The following ZNF157 variants were observed in gnomAD, a reference collection of about 807,000 sequenced individuals.
ZNF157 encodes zinc finger protein 157.
Under a neutral mutation model 9.4 loss-of-function variants are expected in ZNF157, and 8 were observed. The observed-to-expected ratio is 0.85, with a 90% CI of 0.50 to 1.53. The LOEUF is 1.53. ZNF157 is among the 40% of genes most tolerant of loss of function. ZNF157 has a pLI of 0.00. For missense variants in ZNF157, 316 were observed against 385.2 expected (o/e 0.82, Z 1.50); for synonymous variants, 120 against 130.8 (o/e 0.92, Z 0.56).
chrX:47,387,852 A>C (rs1288396740), intron 1 of ZNF157, among the ~76,000 whole-genome samples: 1 of 86,758 alleles, frequency 1.2e-5, no homozygotes, highest in Non-Finnish European at 2.2e-5. Flanking sequence ...GTGCCACTGC[A>C]CTCCAGCCTG....
chrX:47,386,235 T>C (rs5953038), intron 1 of ZNF157, among the ~76,000 whole-genome samples: 33,473 of 109,988 alleles, frequency 0.3, 3,731 homozygotes, highest in Middle Eastern at 0.5. Flanking sequence ...ATCCAGTTTC[T>C]TCCAATGGTA....
intron 1 of ZNF157, among the ~76,000 whole-genome samples, chrX:47,401,151 G>A (rs2055929331): frequency 8.9e-6 from 1 of 112,030 alleles, no homozygotes; most frequent in Admixed American, 9.6e-5. Context: ...TTATTAGAAT[G>A]TTTCTCTGAC....
chrX:47,381,660 G>A (rs1001397734), intron 1 of ZNF157, among the ~76,000 whole-genome samples: 2 of 111,637 alleles, frequency 1.8e-5, no homozygotes, highest in African/African-American at 6.5e-5. Context: ...TACTGAAATG[G>A]ATTGTGAGAG....
chrX:47,378,119 G>A (rs750729936), intron 1 of ZNF157, among the ~76,000 whole-genome samples: 1 of 110,881 alleles, frequency 9.0e-6, no homozygotes, highest in African/African-American at 3.3e-5. Context: ...AAAAGTTGGG[G>A]ATCGGAGTTT....
chrX:47,376,150 T>C (rs778333419), intron 1 of ZNF157, among the ~76,000 whole-genome samples: 1 of 112,384 alleles, frequency 8.9e-6, no homozygotes, highest in South Asian at 3.6e-4. Flanking sequence ...ACAGTTTGCT[T>C]ATTCCTTCAC....
chrX:47,383,371 CAAAAA>C (rs35133137), intron 1 of ZNF157, among the ~76,000 whole-genome samples: 109 of 18,810 alleles, frequency 5.8e-3, no homozygotes, highest in African/African-American at 0.01. Flanking sequence ...GACTCAGTCT[CAAAAA>C]AAAAAAAAAA....
At chrX:47,377,731 C>CTT (rs1160508436) in intron 1 of ZNF157, among the ~76,000 whole-genome samples, 1 of 86,758 alleles carries the variant, frequency 1.2e-5, no homozygotes, top group Admixed American at 1.3e-4. Context: ...CATGCCCAGC[C>CTT]TTTTTTTTTT....
At chrX:47,397,393 A>G (rs1175045025) in intron 1 of ZNF157, among the ~76,000 whole-genome samples, 1 of 103,403 alleles carries the variant, frequency 9.7e-6, no homozygotes, top group African/African-American at 3.5e-5. Flanking sequence ...CAGGCATGCA[A>G]CACCATGCCT....
At chrX:47,391,428 C>T (rs770047642) in intron 1 of ZNF157, 2 of 112,000 alleles carry the variant, frequency 1.8e-5, no homozygotes, top group African/African-American at 3.2e-5. Flanking sequence ...TTCACTGATT[C>T]GGGATCCCTA....
At position 47,371,953 on chromosome X, in the gene ZNF157, C is replaced by T. The variant is rs1056361961; in HGVS notation, c.72+1213C>T. Among the ~76,000 whole-genome samples, 3 of 111,780 alleles carry T rather than the reference C, an allele frequency of 2.7e-5. No homozygotes were observed. The Admixed American group carries it at 2.9e-4, about 11-fold the overall frequency. ...TTTTCCATCGCATGGATGTACCAAACAGTATAACCATTCACTGGTTGAAAG... is the reference window on the plus strand; with the variant it reads ...TTTTCCATCGCATGGATGTACCAAATAGTATAACCATTCACTGGTTGAAAG... On this transcript the variant is annotated intron_variant, in intron 1 of 3. Transcript: ENST00000377073.
intron 1 of ZNF157, among the ~76,000 whole-genome samples, chrX:47,380,174 G>A (rs2055857242): frequency 1.8e-5 from 2 of 110,662 alleles, no homozygotes; most frequent in Admixed American, 2.0e-4. Flanking sequence ...ATCCATACGG[G>A]TCTGCAGCAA....
At chrX:47,379,579 G>A (rs2055855065) in intron 1 of ZNF157, among the ~76,000 whole-genome samples, 1 of 107,291 alleles carries the variant, frequency 9.3e-6, no homozygotes, top group Admixed American at 1.0e-4. Flanking sequence ...CACCACAACC[G>A]ACTAATTTTT....
At chrX:47,387,928 G>A (rs1306084878) in intron 1 of ZNF157, among the ~76,000 whole-genome samples, 3 of 103,506 alleles carry the variant, frequency 2.9e-5, no homozygotes, top group Non-Finnish European at 5.9e-5. Flanking sequence ...ATGCTTCTAC[G>A]GAGAAATCAA....
intron 1 of ZNF157, among the ~76,000 whole-genome samples, chrX:47,375,761 A>C (rs1602758091): frequency 1.9e-5 from 2 of 107,231 alleles, no homozygotes; most frequent in South Asian, 8.1e-4. Flanking sequence ...TGGTGTGATC[A>C]CTGCTCACTG....
Position 47,370,728 on chromosome X carries a change from C to A in ZNF157, c.60C>A (p.Gly20=). Residue 20 remains glycine, a synonymous_variant, in exon 1 of 4, where the codon GGC becomes GGA. Transcript: ENST00000377073. ...CTGCCCTGATTCCAGGAGAACCTGG[C>A]AGATCTTTTGAGGTAAGGAGGAGGA... ...RFPALIPGEP[G]RSFEGSVSFE... 8.3e-7 allele frequency: 1 copy of A among 1,200,189 alleles called. No individual in the cohort carries two copies. Among genetic ancestry groups the A allele is most frequent in the Non-Finnish European group, 1.1e-6 (1 of 889,439 alleles).
intron 1 of ZNF157, among the ~76,000 whole-genome samples, chrX:47,401,180 G>A (rs767216530): frequency 8.5e-4 from 95 of 111,755 alleles, no homozygotes; most frequent in East Asian, 2.5e-3. Context: ...GGACATTATG[G>A]GTATTTCAGG....
At chrX:47,395,989 T>C (rs1395139600) in intron 1 of ZNF157, among the ~76,000 whole-genome samples, 1 of 111,232 alleles carries the variant, frequency 9.0e-6, no homozygotes, top group Non-Finnish European at 1.9e-5. Flanking sequence ...TGTACTATAA[T>C]GTTAAGTATT....
chrX:47,397,591 T>C (rs2055917666), intron 1 of ZNF157, among the ~76,000 whole-genome samples: 1 of 110,404 alleles, frequency 9.1e-6, no homozygotes, highest in Admixed American at 9.8e-5. Context: ...ATTTTTGTAT[T>C]TTTAGTAGAG....
At chrX:47,396,133 C>T (rs997800107) in intron 1 of ZNF157, among the ~76,000 whole-genome samples, 3 of 110,797 alleles carry the variant, frequency 2.7e-5, no homozygotes, top group Non-Finnish European at 3.8e-5. Context: ...ATAAAAATTA[C>T]AGTCCTGTAG....
Sources: gnomAD v4.1 joint callset for allele counts (sites outside exome capture counted in the v4.1 genomes callset) on GRCh38, gnomAD v4.1.1 for gene constraint, MANE v1.5 for transcripts, NCBI Gene and HGNC (gene_info 2026-07-23, HGNC 2026-07-21) for gene names.